SCLT1: variants seen among roughly 807,000 people sequenced by gnomAD.
SCLT1 encodes sodium channel-associated protein 1.
A neutral mutation model predicts 112.8 loss-of-function variants in SCLT1; 78 were observed. The ratio of observed to expected loss-of-function variants is 0.69; its 90% CI spans 0.58 to 0.83. The LOEUF (loss-of-function observed/expected upper bound fraction) is 0.83. SCLT1 is among the 40% of genes least tolerant of loss of function. The probability of loss-of-function intolerance (pLI) is 0.00; values close to 1 mark genes in which losing one functional copy is unlikely to be tolerated. For synonymous variants in SCLT1, 257 were observed against 254.7 expected, an observed-to-expected ratio of 1.01 and a Z score of -0.09; for missense variants, 747 against 770.4, an observed-to-expected ratio of 0.97 and a Z score of 0.36.
chr4:128,915,937 G>C (rs1164544522), intron 18 of SCLT1, among the ~76,000 whole-genome samples: 2 of 152,228 alleles, frequency 1.3e-5, no homozygotes, highest in Non-Finnish European at 1.5e-5. Flanking sequence ...TAGGCAATGG[G>C]ACAGAATAAG....
At chr4:129,069,283 T>C (rs1289835473) in intron 2 of SCLT1, among the ~76,000 whole-genome samples, 1 of 152,200 alleles carries the variant, frequency 6.6e-6, no homozygotes, top group Non-Finnish European at 1.5e-5. Context: ...ATATGAATTT[T>C]AGAATTGTTT....
At chr4:129,018,125 C>T (rs577306728) in intron 5 of SCLT1, among the ~76,000 whole-genome samples, 17 of 152,362 alleles carry the variant, frequency 1.1e-4, no homozygotes, top group South Asian at 2.1e-4. Context: ...AGCCATACTA[C>T]GCTTCTTAGA....
downstream of SCLT1, among the ~76,000 whole-genome samples, chr4:128,882,954 C>G (rs978996965): frequency 2.6e-5 from 4 of 152,002 alleles, no homozygotes; most frequent in Non-Finnish European, 4.4e-5. Flanking sequence ...CGAGACCAGC[C>G]TCACCAAGAT....
intron 18 of SCLT1, 23 bp downstream of exon 18, chr4:128,936,632 C>G: frequency 6.9e-7 from 1 of 1,454,820 alleles, no homozygotes; most frequent in South Asian, 1.3e-5. Flanking sequence ...TAAAACATGT[C>G]AAACAACTAA....
chr4:128,896,525 C>T (rs777446657), intron 18 of SCLT1, among the ~76,000 whole-genome samples: 2 of 152,132 alleles, frequency 1.3e-5, no homozygotes, highest in African/African-American at 4.8e-5. Flanking sequence ...CCCATCTGCA[C>T]GTTATCATCA....
At chr4:128,914,211 A>G (rs936753401) in intron 18 of SCLT1, among the ~76,000 whole-genome samples, 1 of 152,008 alleles carries the variant, frequency 6.6e-6, no homozygotes, top group African/African-American at 2.4e-5. Flanking sequence ...TAAAAATACA[A>G]AAAAATTAGC....
chr4:128,943,562 A>T (rs1737893264), intron 16 of SCLT1, among the ~76,000 whole-genome samples: 1 of 152,162 alleles, frequency 6.6e-6, no homozygotes, highest in African/African-American at 2.4e-5. Context: ...TTACTTAATC[A>T]ATAAACTCCA....
chr4:128,887,710 T>A (rs542104055), intron 20 of SCLT1, among the ~76,000 whole-genome samples: 1 of 152,186 alleles, frequency 6.6e-6, no homozygotes, highest in Non-Finnish European at 1.5e-5. Flanking sequence ...TTATATGATG[T>A]GTGTGTATTA....
chr4:129,067,011 C>CAA (rs1206338272), intron 2 of SCLT1, among the ~76,000 whole-genome samples: 14 of 152,064 alleles, frequency 9.2e-5, no homozygotes, highest in Middle Eastern at 3.4e-3. Context: ...TGAAACATAA[C>CAA]AAAATCTGAA....
In SCLT1 at chr4:128,906,642, T is replaced by C. The variant is rs981060148; in HGVS notation, c.1830-15505A>G. 2.0e-5 allele frequency among the ~76,000 whole-genome samples: 3 copies of C among 152,232 alleles called. No homozygotes were observed. In the East Asian group the frequency reaches 5.8e-4, roughly 29 times the overall value. The stretch of plus-strand genomic sequence containing the variant: ...GTTATTTGAAGAATGAACTGAAAGT[T>C]ACAAAGTAATGGTTGAAATTTCCTC... On this transcript the variant is annotated intron_variant, in intron 18 of 20. Coordinates refer to ENST00000281142, the MANE Select transcript of SCLT1 (RefSeq NM_144643.4).
At chr4:128,930,951 T>G (rs977085884) in intron 18 of SCLT1, among the ~76,000 whole-genome samples, 1 of 152,154 alleles carries the variant, frequency 6.6e-6, no homozygotes, top group Non-Finnish European at 1.5e-5. Flanking sequence ...CTTTGAAGCT[T>G]GTGAGTACAT....
intron 8 of SCLT1, among the ~76,000 whole-genome samples, chr4:128,995,851 C>A (rs1219910160): frequency 1.3e-5 from 2 of 152,090 alleles, no homozygotes; most frequent in East Asian, 3.9e-4. Flanking sequence ...AACTTTTCCC[C>A]TCCCTAGGGG....
chr4:128,913,738 T>TAC (rs1735267125), intron 18 of SCLT1, among the ~76,000 whole-genome samples: 4 of 152,206 alleles, frequency 2.6e-5, no homozygotes, highest in Admixed American at 2.6e-4. Context: ...CAAAAATACA[T>TAC]ACAGTGCCTA....
chr4:128,997,970 A>G, intron 7 of SCLT1, 31 bp from the exon 8 acceptor site: 2 of 1,194,210 alleles, frequency 1.7e-6, no homozygotes, highest in South Asian at 4.1e-5. Flanking sequence ...GAGTATATAA[A>G]TAGCATTTTG....
chr4:129,053,815 T>C (rs1382855652), intron 2 of SCLT1, among the ~76,000 whole-genome samples: 1 of 152,088 alleles, frequency 6.6e-6, no homozygotes, highest in Admixed American at 6.6e-5. Flanking sequence ...GCTGGTTATT[T>C]TGCCCATTAG....
chr4:128,887,208 T>G (rs1732956357), intron 20 of SCLT1, among the ~76,000 whole-genome samples: 1 of 152,196 alleles, frequency 6.6e-6, no homozygotes. Flanking sequence ...TACTGTCCAG[T>G]GCACCTAACT....
chr4:129,053,570 T>TA (rs1749049452), intron 2 of SCLT1, among the ~76,000 whole-genome samples: 1 of 71,438 alleles, frequency 1.4e-5, no homozygotes, highest in African/African-American at 4.4e-5. Flanking sequence ...TTTTTTTTTT[T>TA]TTTTTTTTTT....
chr4:129,024,644 C>G (rs1013706867), intron 5 of SCLT1, among the ~76,000 whole-genome samples: 5 of 152,234 alleles, frequency 3.3e-5, no homozygotes, highest in South Asian at 2.1e-4. Context: ...CAGAGCGACT[C>G]TCCTCCTCCA....
chr4:128,881,443 C>T (rs979110647), downstream of SCLT1, among the ~76,000 whole-genome samples: 1 of 152,066 alleles, frequency 6.6e-6, no homozygotes, highest in Non-Finnish European at 1.5e-5. Flanking sequence ...TAATGAGTGA[C>T]TGAATTGTTG....
Sources: gnomAD v4.1 joint callset for allele counts (sites outside exome capture counted in the v4.1 genomes callset) on GRCh38, gnomAD v4.1.1 for gene constraint, MANE v1.5 for transcripts, NCBI Gene and HGNC (gene_info 2026-07-23, HGNC 2026-07-21) for gene names.